The following SYT1 variants were observed in gnomAD, a reference collection of about 807,000 sequenced individuals.
SYT1 encodes the protein synaptotagmin 1.
SYT1 carries 8 observed loss-of-function variants against 44.8 expected under a neutral mutation model. The ratio of observed to expected loss-of-function variants is 0.18; its 90% CI spans 0.10 to 0.32. The LOEUF (loss-of-function observed/expected upper bound fraction) is 0.32, where lower values mean the gene tolerates loss of function less well. SYT1 is among the 10% of genes least tolerant of loss of function. The pLI is 1.00. For synonymous variants in SYT1, 154 were observed against 188.8 expected (o/e 0.82, Z 1.51); for missense variants, 286 against 509.3 (o/e 0.56, Z 4.22).
chr12:79,410,483 C>T (rs1022444327), intron 9 of SYT1, among the ~76,000 whole-genome samples: 2 of 130,984 alleles, frequency 1.5e-5, no homozygotes, highest in African/African-American at 5.8e-5. Flanking sequence ...GACTTAAAAC[C>T]ATGGCTTCAG....
chr12:79,360,130 A>G (rs901804798), intron 9 of SYT1, among the ~76,000 whole-genome samples: 4 of 152,130 alleles, frequency 2.6e-5, no homozygotes, highest in African/African-American at 9.7e-5. Context: ...ACTACACTTC[A>G]GAGGCTTAAA....
intron 2 of SYT1, among the ~76,000 whole-genome samples, chr12:79,008,441 G>A (rs1871223704): frequency 6.6e-6 from 1 of 152,142 alleles, no homozygotes; most frequent in Non-Finnish European, 1.5e-5. Flanking sequence ...GATGTTTTCA[G>A]CAGATAAATA....
intron 2 of SYT1, among the ~76,000 whole-genome samples, chr12:78,981,284 C>T (rs1869243504): frequency 6.6e-6 from 1 of 151,864 alleles, no homozygotes; most frequent in South Asian, 2.1e-4. Context: ...TGAGCCACCA[C>T]ACCCAGCTAA....
At chr12:78,916,738 C>T (rs756230117) in intron 1 of SYT1, among the ~76,000 whole-genome samples, 2 of 151,884 alleles carry the variant, frequency 1.3e-5, no homozygotes, top group Non-Finnish European at 2.9e-5. Context: ...AATATTGAAA[C>T]CATAGTGTTT....
At chr12:78,894,041 C>T (rs538175312) in intron 1 of SYT1, among the ~76,000 whole-genome samples, 1 of 151,412 alleles carries the variant, frequency 6.6e-6, no homozygotes, top group African/African-American at 2.4e-5. Flanking sequence ...TTCTACCTAA[C>T]TTTGTATTCA....
rs572382831 is a variant in SYT1, at chr12:79,238,140, A to G, written c.166+20455A>G. 5.3e-5 allele frequency among the ~76,000 whole-genome samples: 8 copies of G among 152,266 alleles called. No homozygotes were observed. The East Asian group carries it at 9.7e-4, about 18-fold the overall frequency. On this transcript the variant is annotated intron_variant, in intron 4 of 10. Transcript: ENST00000261205. Reference sequence around the variant, plus strand: ...TTGGTGTGATTGCTTGGTGTACAATATATTGTATATACTACAACTTACTGT... The same window carrying G: ...TTGGTGTGATTGCTTGGTGTACAATGTATTGTATATACTACAACTTACTGT...
chr12:79,449,240 C>A lies in SYT1; in HGVS notation c.*116C>A. Reference sequence around the variant, plus strand: ...CCAGCCATGCATTCCTAACACAATTCAGTGGTACTTGGAATCCTGTTTTAA... The same window carrying A: ...CCAGCCATGCATTCCTAACACAATTAAGTGGTACTTGGAATCCTGTTTTAA... On this transcript the variant is annotated 3_prime_UTR_variant, in exon 11 of 11. Transcript: ENST00000261205. 1 of 1,093,622 alleles carries A rather than the reference C, an allele frequency of 9.1e-7. No individual in the cohort carries two copies. The highest frequency in any genetic ancestry group is 1.3e-6 in the Non-Finnish European group (1 of 767,204). The allele number at this position is 1,093,622 out of a possible 1,614,324, so 67.7% of individuals were successfully genotyped here. A position where few individuals can be genotyped will look rare whatever the true frequency, so the allele number is the denominator to read the frequency against.
At chr12:78,935,558 G>A (rs1878005800) in intron 1 of SYT1, among the ~76,000 whole-genome samples, 1 of 152,082 alleles carries the variant, frequency 6.6e-6, no homozygotes, top group Admixed American at 6.6e-5. Flanking sequence ...CCAAATTATA[G>A]GTTCAGCTTG....
intron 8 of SYT1, among the ~76,000 whole-genome samples, chr12:79,333,009 A>G (rs996530562): frequency 6.6e-6 from 1 of 152,210 alleles, no homozygotes; most frequent in Non-Finnish European, 1.5e-5. Context: ...CTTTATTTCA[A>G]GTAAAGAATC....
intron 3 of SYT1, among the ~76,000 whole-genome samples, chr12:79,049,617 A>T (rs1237916762): frequency 6.6e-6 from 1 of 152,014 alleles, no homozygotes; most frequent in East Asian, 1.9e-4. Context: ...CTCGTGAGTT[A>T]GTGTTAGACA....
intron 8 of SYT1, among the ~76,000 whole-genome samples, chr12:79,320,560 C>T (rs1446388868): frequency 1.3e-5 from 2 of 151,868 alleles, no homozygotes; most frequent in Non-Finnish European, 2.9e-5. Context: ...TTATGACTCT[C>T]CAAACGTCAT....
chr12:78,974,593 T>C (rs1440875802), intron 1 of SYT1, among the ~76,000 whole-genome samples: 1 of 151,800 alleles, frequency 6.6e-6, no homozygotes, highest in African/African-American at 2.4e-5. Context: ...CCCGCCACCA[T>C]GCCCGGCTAA....
Position 79,226,847 on chromosome 12 carries a change from T to C in SYT1, c.166+9162T>C, listed in dbSNP as rs547926989. Among the ~76,000 whole-genome samples, 8 of 152,312 alleles carry C rather than the reference T, an allele frequency of 5.3e-5. No individual in the cohort carries two copies. The South Asian group carries it at 1.7e-3, about 32-fold the overall frequency. Reference sequence around the variant, plus strand: ...TAATTGACATTTCTAATAGGATTTATATGCAGGAGGCAATACTAAACAAAA... The same window carrying C: ...TAATTGACATTTCTAATAGGATTTACATGCAGGAGGCAATACTAAACAAAA... On this transcript the variant is annotated intron_variant, in intron 4 of 10. Transcript: ENST00000261205.
At chr12:79,352,565 CTCTCTA>C (rs1413249663) in intron 8 of SYT1, among the ~76,000 whole-genome samples, 4 of 152,270 alleles carry the variant, frequency 2.6e-5, no homozygotes, top group Non-Finnish European at 4.4e-5. Flanking sequence ...CTCTTGCACT[CTCTCTA>C]TCTCTATCTC....
At chr12:78,986,787 A>G (rs1411775271) in intron 2 of SYT1, among the ~76,000 whole-genome samples, 1 of 152,024 alleles carries the variant, frequency 6.6e-6, no homozygotes, top group Non-Finnish European at 1.5e-5. Context: ...TAATAGAATT[A>G]TGGACTGTGA....
intron 3 of SYT1, among the ~76,000 whole-genome samples, chr12:79,131,711 C>T (rs957354085): frequency 5.9e-5 from 9 of 152,046 alleles, no homozygotes; most frequent in African/African-American, 1.9e-4. Flanking sequence ...AATGCAAATG[C>T]CATAAAATTC....
chr12:79,327,625 C>G (rs146849290), intron 8 of SYT1, among the ~76,000 whole-genome samples: 1 of 152,338 alleles, frequency 6.6e-6, no homozygotes, highest in Non-Finnish European at 1.5e-5. Context: ...TGATGATTCA[C>G]TTCAACAAAC....
intron 3 of SYT1, among the ~76,000 whole-genome samples, chr12:79,150,385 G>T (rs1410534438): frequency 6.6e-6 from 1 of 152,088 alleles, no homozygotes; most frequent in African/African-American, 2.4e-5. Flanking sequence ...ACTTATATAT[G>T]GACTCTTAAA....
In SYT1 at chr12:79,440,210, T is replaced by C. The variant is rs190305670; in HGVS notation, c.929-3863T>C. ...TCCAGCCTGGGTGAAAGAGCGAGACTCCATCTCAAAAAAAGAGAGAGAGAG... is the reference window on the plus strand; with the variant it reads ...TCCAGCCTGGGTGAAAGAGCGAGACCCCATCTCAAAAAAAGAGAGAGAGAG... On this transcript the variant is annotated intron_variant, in intron 9 of 10. Coordinates refer to ENST00000261205, the MANE Select transcript of SYT1 (RefSeq NM_005639.3). Among the ~76,000 whole-genome samples, 8 of 152,148 alleles carry C rather than the reference T, an allele frequency of 5.3e-5. No individual in the cohort carries two copies. The East Asian group carries it at 1.5e-3, about 29-fold the overall frequency.
Sources: gnomAD v4.1 joint callset for allele counts (sites outside exome capture counted in the v4.1 genomes callset) on GRCh38, gnomAD v4.1.1 for gene constraint, MANE v1.5 for transcripts, NCBI Gene and HGNC (gene_info 2026-07-23, HGNC 2026-07-21) for gene names.